The following SLC35F3 variants were observed in gnomAD, a reference collection of about 807,000 sequenced individuals.
SLC35F3 encodes the protein putative thiamine transporter SLC35F3.
SLC35F3 carries 25 observed loss-of-function variants against 49.9 expected under a neutral mutation model. That is an observed-to-expected ratio of 0.50 (90% CI 0.37 to 0.70). The LOEUF (loss-of-function observed/expected upper bound fraction) is 0.70. Among genes scored for constraint, SLC35F3 ranks in the 30% least tolerant of loss-of-function variants. SLC35F3 has a pLI of 0.00. For synonymous variants in SLC35F3, 275 were observed against 265.4 expected (o/e 1.04, Z -0.35); for missense variants, 525 against 639.8 (o/e 0.82, Z 1.94).
chr1:234,106,549 A>C (rs1027087531), intron 2 of SLC35F3, among the ~76,000 whole-genome samples: 2 of 152,104 alleles, frequency 1.3e-5, no homozygotes, highest in Non-Finnish European at 2.9e-5. Context: ...CTCCATGCAC[A>C]CACAGAGCCA....
chr1:234,228,887 A>C (rs1037014365), intron 2 of SLC35F3, among the ~76,000 whole-genome samples: 3 of 152,204 alleles, frequency 2.0e-5, no homozygotes, highest in African/African-American at 7.2e-5. Flanking sequence ...TGTATAAAGA[A>C]TACTTTTTAT....
chr1:234,243,540 A>G (rs1286090707), intron 3 of SLC35F3, among the ~76,000 whole-genome samples: 2 of 152,184 alleles, frequency 1.3e-5, no homozygotes, highest in African/African-American at 4.8e-5. Context: ...CACAAAGTAG[A>G]TTGAGGGACA....
chr1:233,976,890 C>T (rs1051194696), intron 2 of SLC35F3, among the ~76,000 whole-genome samples: 1 of 152,162 alleles, frequency 6.6e-6, no homozygotes, highest in Non-Finnish European at 1.5e-5. Flanking sequence ...GAATTACAGG[C>T]GTGAGCCACC....
intron 2 of SLC35F3, among the ~76,000 whole-genome samples, chr1:234,121,157 G>A: frequency 1.0e-5 from 1 of 98,776 alleles, no homozygotes; most frequent in South Asian, 3.6e-4. Context: ...TTTTTTTTGA[G>A]ACGGAGTCTT....
At chr1:233,971,761 C>T (rs2102817442) in intron 2 of SLC35F3, among the ~76,000 whole-genome samples, 1 of 151,340 alleles carries the variant, frequency 6.6e-6, no homozygotes, top group South Asian at 2.1e-4. Flanking sequence ...CTGCTGACTC[C>T]CTTGTGGTCA....
intron 2 of SLC35F3, among the ~76,000 whole-genome samples, chr1:234,217,628 G>A (rs918238953): frequency 1.3e-5 from 2 of 151,800 alleles, no homozygotes; most frequent in African/African-American, 2.4e-5. Flanking sequence ...TGAGAAGGAG[G>A]CCTTTCTAAG....
At chr1:234,250,521 G>A (rs2677805) in intron 3 of SLC35F3, among the ~76,000 whole-genome samples, 121,058 of 151,136 alleles carry the variant, frequency 0.8, 48,828 homozygotes, top group African/African-American at 0.9. Flanking sequence ...GGGCGTAGTG[G>A]CGGGCGCCTG....
intron 2 of SLC35F3, among the ~76,000 whole-genome samples, chr1:234,186,389 G>A (rs934835163): frequency 2.6e-5 from 4 of 152,236 alleles, no homozygotes; most frequent in Non-Finnish European, 5.9e-5. Context: ...TTCAGCGGAA[G>A]GACTGATGCC....
At chr1:234,216,319 C>T (rs1667120072) in intron 2 of SLC35F3, among the ~76,000 whole-genome samples, 1 of 152,154 alleles carries the variant, frequency 6.6e-6, no homozygotes, top group Non-Finnish European at 1.5e-5. Flanking sequence ...AACTCCCAGC[C>T]CACCTTAGGC....
chr1:234,098,043 G>T (rs1315774129), intron 2 of SLC35F3, among the ~76,000 whole-genome samples: 1 of 150,688 alleles, frequency 6.6e-6, no homozygotes, highest in South Asian at 2.1e-4. Flanking sequence ...GTTGGTGGTG[G>T]TGGTGGCAGT....
rs546267213 is a variant in SLC35F3 at position 234,001,044 on chromosome 1, AAG to A, written c.283+95291_283+95292del. 1.6e-3 allele frequency among the ~76,000 whole-genome samples: 242 copies of A among 152,344 alleles called. 1 individual carries two copies. The highest frequency in any genetic ancestry group is 5.4e-3 in the African/African-American group (226 of 41,580). ...TCCGTACAGATGTCAGCTTCTTGAA[AAG>A]AGAGTCCTGACAGGGCAGTTTGGCC... On this transcript the variant is annotated intron_variant, in intron 2 of 7. Coordinates refer to ENST00000366618, the MANE Select transcript of SLC35F3 (RefSeq NM_173508.4).
chr1:233,950,506 C>CCCTT (rs914249522), intron 2 of SLC35F3, among the ~76,000 whole-genome samples: 2 of 139,216 alleles, frequency 1.4e-5, no homozygotes, highest in African/African-American at 5.3e-5. Context: ...CCCACTTCCT[C>CCCTT]CCTTCCTTCC....
At chr1:234,000,173 G>T (rs9435538) in intron 2 of SLC35F3, among the ~76,000 whole-genome samples, 3 of 152,066 alleles carry the variant, frequency 2.0e-5, no homozygotes, top group African/African-American at 2.4e-5. Context: ...ATTAATATAC[G>T]CAAAGAGTAG....
chr1:233,938,933 C>A (rs1662377949), intron 2 of SLC35F3, among the ~76,000 whole-genome samples: 1 of 152,166 alleles, frequency 6.6e-6, no homozygotes, highest in East Asian at 1.9e-4. Flanking sequence ...TAAAAAGCAT[C>A]CGTTCGGCTT....
intron 2 of SLC35F3, among the ~76,000 whole-genome samples, chr1:234,067,137 A>G (rs576958609): frequency 6.6e-6 from 1 of 151,918 alleles, no homozygotes; most frequent in East Asian, 1.9e-4. Context: ...GGACATAAGT[A>G]TATTGCAGAG....
rs752078122 is a variant in SLC35F3 at position 234,069,615 on chromosome 1, C to G, written c.284-161802C>G. Among the ~76,000 whole-genome samples, 43 of 152,270 alleles carry G rather than the reference C, an allele frequency of 2.8e-4. 1 individual carries two copies. The Middle Eastern group carries it at 0.01, about 36-fold the overall frequency. On this transcript the variant is annotated intron_variant, in intron 2 of 7. Coordinates refer to ENST00000366618, the MANE Select transcript of SLC35F3 (RefSeq NM_173508.4). ...GTGCTAAGAGCCAAAAGGTGGAGAACAAGTTGCCAGAACTTACGAGTCTTC... is the reference window on the plus strand; with the variant it reads ...GTGCTAAGAGCCAAAAGGTGGAGAAGAAGTTGCCAGAACTTACGAGTCTTC...
intron 2 of SLC35F3, among the ~76,000 whole-genome samples, chr1:234,220,241 T>C (rs1667183072): frequency 6.6e-6 from 1 of 152,078 alleles, no homozygotes; most frequent in African/African-American, 2.4e-5. Flanking sequence ...ACTGCCACTG[T>C]CTATCAAATG....
chr1:234,290,494 A>G (rs620939), intron 3 of SLC35F3, among the ~76,000 whole-genome samples: 116,597 of 151,836 alleles, frequency 0.77, 44,929 homozygotes, highest in South Asian at 0.88. Context: ...AGAAGGGTTA[A>G]CCTCAGTGCA....
chr1:234,220,134 C>T (rs186306291), intron 2 of SLC35F3, among the ~76,000 whole-genome samples: 2 of 151,316 alleles, frequency 1.3e-5, no homozygotes, highest in East Asian at 3.9e-4. Flanking sequence ...TGAGAAAAGA[C>T]GGTCATGGGC....
Sources: gnomAD v4.1 joint callset for allele counts (sites outside exome capture counted in the v4.1 genomes callset) on GRCh38, gnomAD v4.1.1 for gene constraint, MANE v1.5 for transcripts, NCBI Gene and HGNC (gene_info 2026-07-23, HGNC 2026-07-21) for gene names.